The following IL33 variants were observed in gnomAD, a reference collection of about 807,000 sequenced individuals.
IL33 encodes interleukin 33, also known as interleukin-33.
A neutral mutation model predicts 27.3 loss-of-function variants in IL33; 37 were observed. That is an observed-to-expected ratio of 1.36 (90% CI 1.04 to 1.78). The LOEUF is 1.78. IL33 is among the 40% of genes most tolerant of loss of function. IL33 has a pLI of 0.00. For missense variants in IL33, 406 were observed against 311.4 expected, an observed-to-expected ratio of 1.30 and a Z score of -2.29; for synonymous variants, 132 against 102.9, an observed-to-expected ratio of 1.28 and a Z score of -1.71.
intron 1 of IL33, among the ~76,000 whole-genome samples, chr9:6,230,456 C>T (rs978758590): frequency 3.9e-5 from 6 of 152,102 alleles, no homozygotes; most frequent in African/African-American, 1.4e-4. Context: ...CTTCTATCTT[C>T]CCTTTTTCCA....
chr9:6,229,891 T>C (rs1818844482), intron 1 of IL33, among the ~76,000 whole-genome samples: 1 of 152,150 alleles, frequency 6.6e-6, no homozygotes, highest in Non-Finnish European at 1.5e-5. Flanking sequence ...TTGTGGGTTG[T>C]CAGGGAGATC....
rs1293996673 is a variant in IL33, at chr9:6,256,688, G to A, written c.*520G>A. On this transcript the variant is annotated 3_prime_UTR_variant, in exon 8 of 8. Coordinates refer to ENST00000682010, the MANE Select transcript of IL33 (RefSeq NM_033439.4). ...GAATAAAACACCAGGTTTGTTTGTA[G>A]ATGTCTTAGGCAACACTCAGAGCAG... The A allele has an allele frequency of 3.0e-5, 6 of 200,038 alleles. No individual in the cohort carries two copies. In the Admixed American group the frequency reaches 3.6e-4, roughly 12 times the overall value. 12.4% of individuals were successfully genotyped at this position (200,038 alleles called of 1,614,324 possible). A position where few individuals can be genotyped will look rare whatever the true frequency, so the allele number is the denominator to read the frequency against.
intron 1 of IL33, among the ~76,000 whole-genome samples, chr9:6,230,906 C>G (rs1050779060): frequency 1.3e-5 from 2 of 152,128 alleles, no homozygotes; most frequent in Admixed American, 6.5e-5. Flanking sequence ...CTACTTCTTA[C>G]CTATGTGACG....
In IL33 at chr9:6,241,732, C is replaced by T; in HGVS notation, c.38C>T (p.Ser13Phe). ...PKMKYSTNKI[S>F]TAKWKNTASK... is the part of the protein sequence containing the mutation. ...ATGAAGTATTCAACCAACAAAATTTCCACAGCAAAGTGGAAGAACACAGCA... is the reference window on the plus strand; with the variant it reads ...ATGAAGTATTCAACCAACAAAATTTTCACAGCAAAGTGGAAGAACACAGCA... Residue 13 changes from serine to phenylalanine, a missense_variant, in exon 2 of 8, where the codon TCC becomes TTC. Physicochemically the swap from Ser to Phe is radical, Grantham distance 155. Transcript: ENST00000682010. 6.2e-7 allele frequency: 1 copy of T among 1,611,034 alleles called. No homozygotes were observed. The highest frequency in any genetic ancestry group is 1.7e-4 in the Middle Eastern group (1 of 6,038).
intron 6 of IL33, among the ~76,000 whole-genome samples, 175 bp from the exon 7 acceptor site, chr9:6,254,287 C>A (rs1382747633): frequency 6.6e-6 from 1 of 152,028 alleles, no homozygotes; most frequent in Non-Finnish European, 1.5e-5. Context: ...TTATAAGTAC[C>A]CTCTACTTAT....
chr9:6,241,593 T>A (rs1212723369), intron 1 of IL33, 91 bp from the exon 2 acceptor site: 1 of 661,554 alleles, frequency 1.5e-6, no homozygotes, highest in South Asian at 1.9e-5. Flanking sequence ...TATATGGTTA[T>A]GTTACCAATT....
intron 5 of IL33, 39 bp from the exon 6 acceptor site, chr9:6,253,513 T>C (rs201448450): frequency 1.4e-4 from 214 of 1,490,552 alleles, no homozygotes; most frequent in Non-Finnish European, 1.8e-4. Context: ...CTTAACAAAA[T>C]TGTGTCTCAC....
chr9:6,218,165 C>T (rs760452801), intron 1 of IL33, among the ~76,000 whole-genome samples: 9 of 152,166 alleles, frequency 5.9e-5, no homozygotes, highest in Admixed American at 3.3e-4. Context: ...CTTTCCTCAG[C>T]TCATATTTCA....
chr9:6,219,809 T>C (rs1818335430), intron 1 of IL33, among the ~76,000 whole-genome samples: 1 of 152,238 alleles, frequency 6.6e-6, no homozygotes, highest in African/African-American at 2.4e-5. Flanking sequence ...GAGGTAAATA[T>C]TATCTCCATT....
Position 6,223,335 on chromosome 9 carries a change from T to C in IL33, c.-12+7483T>C, listed in dbSNP as rs566148210. ...CTGATGTTTTACTGTTTTGCAAAAA[T>C]AGAATAGTAATAACAGTACTATTAC... On this transcript the variant is annotated intron_variant, in intron 1 of 7. Coordinates refer to ENST00000682010, the MANE Select transcript of IL33 (RefSeq NM_033439.4). Among the ~76,000 whole-genome samples the C allele has an allele frequency of 3.3e-5, 5 of 152,166 alleles. No homozygotes were observed. The East Asian group carries it at 7.7e-4, about 23-fold the overall frequency.
chr9:6,215,191 A>C (rs2130031239), upstream of IL33, among the ~76,000 whole-genome samples: 1 of 152,292 alleles, frequency 6.6e-6, no homozygotes, highest in East Asian at 1.9e-4. Context: ...TAGGAGCAAA[A>C]TTTCTCATGA....
chr9:6,218,111 G>C (rs575827864), intron 1 of IL33, among the ~76,000 whole-genome samples: 1 of 152,086 alleles, frequency 6.6e-6, no homozygotes. Context: ...CACACAGCTC[G>C]GTATTGTCTG....
At chr9:6,237,484 A>G (rs1425115202) in intron 1 of IL33, among the ~76,000 whole-genome samples, 2 of 152,188 alleles carry the variant, frequency 1.3e-5, no homozygotes, top group East Asian at 3.8e-4. Flanking sequence ...ATCTTGCTCA[A>G]TTATACAAGC....
chr9:6,248,285 G>A (rs1819996613), intron 2 of IL33, among the ~76,000 whole-genome samples: 1 of 118,100 alleles, frequency 8.5e-6, no homozygotes, highest in African/African-American at 3.2e-5. Flanking sequence ...TCGCTCTGTC[G>A]CCAGACTGGA....
At chr9:6,248,876 G>A (rs1003348782) in intron 2 of IL33, among the ~76,000 whole-genome samples, 16 of 152,110 alleles carry the variant, frequency 1.1e-4, no homozygotes, top group South Asian at 4.1e-4. Context: ...ACAGCACCTG[G>A]CCAACAAATT....
upstream of IL33, among the ~76,000 whole-genome samples, chr9:6,215,460 A>G (rs943141083): frequency 1.3e-5 from 2 of 152,220 alleles, no homozygotes; most frequent in Non-Finnish European, 2.9e-5. Context: ...CTCTTAATGA[A>G]GTTTGTAAAT....
intron 1 of IL33, among the ~76,000 whole-genome samples, chr9:6,231,988 A>T (rs887389350): frequency 2.6e-5 from 4 of 152,262 alleles, no homozygotes; most frequent in African/African-American, 9.6e-5. Flanking sequence ...CAGTCTGATT[A>T]AATGAATTTA....
chr9:6,218,378 G>T (rs892465399), intron 1 of IL33, among the ~76,000 whole-genome samples: 1 of 152,036 alleles, frequency 6.6e-6, no homozygotes, highest in Non-Finnish European at 1.5e-5. Context: ...TTCACTTAGG[G>T]ATTGAAATAG....
intron 1 of IL33, among the ~76,000 whole-genome samples, chr9:6,226,295 C>T (rs1418385): frequency 0.34 from 51,990 of 151,714 alleles, 10,404 homozygotes; most frequent in African/African-American, 0.55. Flanking sequence ...GACTATAAGG[C>T]TTGAGCCACC....
Sources: gnomAD v4.1 joint callset for allele counts (sites outside exome capture counted in the v4.1 genomes callset) on GRCh38, gnomAD v4.1.1 for gene constraint, MANE v1.5 for transcripts, NCBI Gene and HGNC (gene_info 2026-07-23, HGNC 2026-07-21) for gene names.